Variants in AQP7B observed in about 807,000 individuals in gnomAD.
AQP7B encodes the protein putative aquaporin-7B.
At chr2:94,600,888 A>G in the AQP7B span, among the ~76,000 whole-genome samples, 1 of 151,912 alleles carries the variant, frequency 6.6e-6, no homozygotes, top group Non-Finnish European at 1.5e-5. Flanking sequence ...AAAAAAAAAA[A>G]AAAAAAAATT....
the AQP7B span, chr2:94,603,327 G>T: frequency 3.3e-6 from 5 of 1,532,018 alleles, no homozygotes; most frequent in South Asian, 3.6e-5. Context: ...TCATTTCTGG[G>T]ACCCCAGTGG....
the AQP7B span, among the ~76,000 whole-genome samples, chr2:94,601,927 G>A: frequency 6.6e-6 from 1 of 152,072 alleles, no homozygotes; most frequent in African/African-American, 2.4e-5. Context: ...GGCAGCAACA[G>A]CTTGGGAATG....
At chr2:94,599,562 G>A in the AQP7B span, among the ~76,000 whole-genome samples, 21 of 151,978 alleles carry the variant, frequency 1.4e-4, 1 homozygote, top group Admixed American at 3.3e-4. Flanking sequence ...TTAACCACCC[G>A]TGTATCCACA....
At chr2:94,597,505 G>T in the AQP7B span, among the ~76,000 whole-genome samples, 1 of 151,978 alleles carries the variant, frequency 6.6e-6, no homozygotes, top group South Asian at 2.1e-4. Context: ...TATTATCCAA[G>T]TTTCACAGAT....
chr2:94,591,398 C>G, the AQP7B span, among the ~76,000 whole-genome samples: 1 of 152,178 alleles, frequency 6.6e-6, no homozygotes, highest in Non-Finnish European at 1.5e-5. Context: ...AACCGAACAC[C>G]AAGCCTGTCA....
chr2:94,595,257 A>T, the AQP7B span, among the ~76,000 whole-genome samples: 1 of 152,114 alleles, frequency 6.6e-6, no homozygotes, highest in Non-Finnish European at 1.5e-5. Context: ...CAACATGGTG[A>T]AACCCCATCT....
At chr2:94,602,278 C>G in the AQP7B span, among the ~76,000 whole-genome samples, 2 of 151,926 alleles carry the variant, frequency 1.3e-5, no homozygotes, top group Non-Finnish European at 2.9e-5. Flanking sequence ...CCACCCGGCT[C>G]TCAGTGGCTC....
At chr2:94,603,423 C>G in the AQP7B span, 2 of 1,609,512 alleles carry the variant, frequency 1.2e-6, no homozygotes, top group Non-Finnish European at 1.7e-6. Flanking sequence ...TGATGGTGAC[C>G]GGTCCCTTTG....
chr2:94,598,946 G>T, the AQP7B span, among the ~76,000 whole-genome samples: 1 of 152,130 alleles, frequency 6.6e-6, no homozygotes, highest in African/African-American at 2.4e-5. Context: ...GGGATTACAG[G>T]CATGTGCCAC....
chr2:94,590,944 C>CAA, the AQP7B span, among the ~76,000 whole-genome samples: 572 of 48,466 alleles, frequency 0.012, 11 homozygotes, highest in African/African-American at 0.024. Flanking sequence ...GACCCTGTCT[C>CAA]AAAAAAAAAA....
chr2:94,589,979 T>C, the AQP7B span, among the ~76,000 whole-genome samples: 4 of 151,954 alleles, frequency 2.6e-5, no homozygotes, highest in African/African-American at 7.2e-5. Context: ...CCCATGGCCA[T>C]GTCAGGCCAC....
chr2:94,594,358 C>G, the AQP7B span, among the ~76,000 whole-genome samples: 1 of 152,250 alleles, frequency 6.6e-6, no homozygotes, highest in Non-Finnish European at 1.5e-5. Flanking sequence ...GGCAGACAGA[C>G]AGATGGACAG....
the AQP7B span, among the ~76,000 whole-genome samples, chr2:94,601,606 T>A: frequency 6.6e-6 from 1 of 151,532 alleles, no homozygotes. Context: ...AGGGAAGGGG[T>A]GAAGCAGCTG....
the AQP7B span, among the ~76,000 whole-genome samples, chr2:94,587,862 TC>T: frequency 3.3e-5 from 5 of 152,026 alleles, no homozygotes; most frequent in Non-Finnish European, 7.4e-5. Flanking sequence ...CTGGAGGGTT[TC>T]AGCAGTCAGG....
the AQP7B span, chr2:94,604,319 G>A: frequency 6.8e-6 from 11 of 1,609,286 alleles, no homozygotes; most frequent in Non-Finnish European, 8.5e-7. Context: ...GGTGCCAGTG[G>A]TGGCACCACT....
At chr2:94,597,090 CTT>C in the AQP7B span, among the ~76,000 whole-genome samples, 9 of 152,254 alleles carry the variant, frequency 5.9e-5, no homozygotes, top group Admixed American at 5.9e-4. Flanking sequence ...GTATTGCTCC[CTT>C]GTTATTAGGA....
At chr2:94,595,082 C>T in the AQP7B span, among the ~76,000 whole-genome samples, 431 of 152,224 alleles carry the variant, frequency 2.8e-3, 2 homozygotes, top group African/African-American at 9.9e-3. Context: ...CAAATGAAAC[C>T]ATGCACTGGG....
the AQP7B span, chr2:94,603,163 G>T: frequency 4.6e-6 from 7 of 1,518,102 alleles, no homozygotes; most frequent in Non-Finnish European, 5.4e-6. Context: ...ACCATCTACA[G>T]TCTCTTCTAC....
chr2:94,602,609 A>G, the AQP7B span: 2 of 1,594,558 alleles, frequency 1.3e-6, no homozygotes, highest in African/African-American at 2.7e-5. Context: ...GGCAGGCCGC[A>G]TCTCTGGTGA....
Sources: gnomAD v4.1 joint callset for allele counts (sites outside exome capture counted in the v4.1 genomes callset) on GRCh38, gnomAD v4.1.1 for gene constraint, MANE v1.5 for transcripts, NCBI Gene and HGNC (gene_info 2026-07-23, HGNC 2026-07-21) for gene names.